The following PRKN variants were observed in gnomAD, a reference collection of about 807,000 sequenced individuals.
PRKN encodes E3 ubiquitin-protein ligase parkin.
In PRKN, 56 loss-of-function variants were observed where a neutral mutation model predicts 59.5. The ratio of observed to expected loss-of-function variants is 0.94; its 90% CI spans 0.76 to 1.18. PRKN has a LOEUF of 1.18. PRKN is among the 50% of genes most tolerant of loss of function. The pLI is 0.00. For synonymous variants in PRKN, 250 were observed against 222.1 expected (o/e 1.13, Z -1.12); for missense variants, 657 against 596.4 (o/e 1.10, Z -1.06).
chr6:162,202,101 T>C (rs1784753911), intron 3 of PRKN, among the ~76,000 whole-genome samples: 1 of 152,184 alleles, frequency 6.6e-6, no homozygotes, highest in South Asian at 2.1e-4. Context: ...CTAAATAGTT[T>C]TTTCTTTTAA....
chr6:161,477,845 T>C (rs1791184535), intron 9 of PRKN, among the ~76,000 whole-genome samples: 1 of 152,098 alleles, frequency 6.6e-6, no homozygotes, highest in Admixed American at 6.5e-5. Flanking sequence ...CAGTATTATC[T>C]GGAGGGGAAG....
At chr6:162,459,480 A>T (rs1791057078) in intron 1 of PRKN, among the ~76,000 whole-genome samples, 2 of 152,184 alleles carry the variant, frequency 1.3e-5, no homozygotes, top group Admixed American at 1.3e-4. Context: ...AATTCACAAT[A>T]CAATTTTATC....
chr6:162,635,801 T>C (rs1164038787), intron 1 of PRKN, among the ~76,000 whole-genome samples: 1 of 152,184 alleles, frequency 6.6e-6, no homozygotes, highest in Non-Finnish European at 1.5e-5. Context: ...GATCTGTCAC[T>C]TGACACAAGT....
intron 6 of PRKN, among the ~76,000 whole-genome samples, chr6:161,944,035 GCCTGAGGGAC>G (rs1779682599): frequency 3.0e-5 from 4 of 133,418 alleles, no homozygotes; most frequent in African/African-American, 1.0e-4. Context: ...TGAGGAATCA[GCCTGAGGGAC>G]CAGCCTGAGG....
At position 161,447,532 on chromosome 6, in the gene PRKN, C is replaced by T. The variant is rs1381894876; in HGVS notation, c.1084-60655G>A. ...TCCTTGAGATGGAGTCTCTCTCTGT[C>T]GCCCAGGCTGGAGTGCAGTGGAGTG... On this transcript the variant is annotated intron_variant, in intron 9 of 11. Transcript: ENST00000366898. The surrounding 1 kb of genome is among the most constrained non-coding windows in gnomAD (Gnocchi z 4.1). Among the ~76,000 whole-genome samples the T allele has an allele frequency of 2.0e-5, 3 of 152,124 alleles. No homozygotes were observed. Among genetic ancestry groups the T allele is most frequent in the Non-Finnish European group, 4.4e-5 (3 of 68,032 alleles).
rs138011791 is a variant in PRKN at position 161,410,764 on chromosome 6, G to A, written c.1084-23887C>T. 1.3e-5 allele frequency among the ~76,000 whole-genome samples: 2 copies of A among 152,154 alleles called. No homozygotes were observed. Among genetic ancestry groups the A allele is most frequent in the Admixed American group, 6.5e-5 (1 of 15,282 alleles). Reference sequence around the variant, plus strand: ...TGGGAAATGCATCATTGGTGCTCATGACAACGGCACGCCAAGGGGCTTGAT... The same window carrying A: ...TGGGAAATGCATCATTGGTGCTCATAACAACGGCACGCCAAGGGGCTTGAT... On this transcript the variant is annotated intron_variant, in intron 9 of 11. Transcript: ENST00000366898. This position sits in a 1 kb window ranked among gnomAD's most constrained non-coding sequence, Gnocchi z 5.3.
At chr6:162,555,618 A>G (rs1779529489) in intron 1 of PRKN, among the ~76,000 whole-genome samples, 1 of 139,148 alleles carries the variant, frequency 7.2e-6, no homozygotes. Context: ...TCAGCGTTAC[A>G]CTGTGTGAAA....
chr6:162,357,165 A>G (rs1324360938), intron 2 of PRKN, among the ~76,000 whole-genome samples: 1 of 152,104 alleles, frequency 6.6e-6, no homozygotes, highest in African/African-American at 2.4e-5. Context: ...TGCAAAAGAC[A>G]CTCTCCAGAG....
In PRKN at chr6:162,119,297, G is replaced by A. The variant is rs2023053; in HGVS notation, c.535-65123C>T. On this transcript the variant is annotated intron_variant, in intron 4 of 11. Transcript: ENST00000366898. ...ACAGGGCTTTAAATCAAGGGGCCTCGGGATGATCAGGGAAAGGACTGTGAA... is the reference window on the plus strand; with the variant it reads ...ACAGGGCTTTAAATCAAGGGGCCTCAGGATGATCAGGGAAAGGACTGTGAA... Among the ~76,000 whole-genome samples the A allele has an allele frequency of 9.6e-3, 1,459 of 152,064 alleles. 20 individuals carry two copies. The highest frequency in any genetic ancestry group is 0.034 in the African/African-American group (1,391 of 41,500).
rs1789301047 is a variant in PRKN, at chr6:161,442,782, G to A, written c.1084-55905C>T. Among the ~76,000 whole-genome samples, 1 of 152,194 alleles carries A rather than the reference G, an allele frequency of 6.6e-6. No homozygotes were observed. Among genetic ancestry groups the A allele is most frequent in the Non-Finnish European group, 1.5e-5 (1 of 68,046 alleles). Reference sequence around the variant, plus strand: ...GACGAACAGCTTACCGAGAGCCTCTGCCAGGAAGCAAAAGAGAGGTTCTCT... The same window carrying A: ...GACGAACAGCTTACCGAGAGCCTCTACCAGGAAGCAAAAGAGAGGTTCTCT... On this transcript the variant is annotated intron_variant, in intron 9 of 11. Coordinates refer to ENST00000366898, the MANE Select transcript of PRKN (RefSeq NM_004562.3). The surrounding 1 kb of genome is among the most constrained non-coding windows in gnomAD (Gnocchi z 4.6).
rs77054136 is a variant in PRKN, at chr6:161,776,354, C to T, written c.871+9418G>A. ...TAAAAAGATTTTACCAAAGCCCATA[C>T]CTTTAGGTAAGAGTTTGTCAGAGGT... On this transcript the variant is annotated intron_variant, in intron 7 of 11. Coordinates refer to ENST00000366898, the MANE Select transcript of PRKN (RefSeq NM_004562.3). Among the ~76,000 whole-genome samples, 840 of 152,230 alleles carry T rather than the reference C, an allele frequency of 5.5e-3. 5 individuals carry two copies. The highest frequency in any genetic ancestry group is 0.019 in the African/African-American group (805 of 41,532).
At chr6:162,425,186 T>C (rs546239226) in intron 2 of PRKN, among the ~76,000 whole-genome samples, 1 of 152,314 alleles carries the variant, frequency 6.6e-6, no homozygotes, top group Non-Finnish European at 1.5e-5. Flanking sequence ...TTTAACCTTA[T>C]ACTATTTATA....
chr6:161,581,861 A>G lies in PRKN; in HGVS notation c.872-12445T>C, dbSNP rs2128138221. ...CTCCTTTCCTGCTTCAGGTTTTATC[A>G]CCCACTCAATATTTACTGCGCAGAG... On this transcript the variant is annotated intron_variant, in intron 7 of 11. Coordinates refer to ENST00000366898, the MANE Select transcript of PRKN (RefSeq NM_004562.3). This position sits in a 1 kb window ranked among gnomAD's most constrained non-coding sequence, Gnocchi z 4.5. 6.6e-6 allele frequency among the ~76,000 whole-genome samples: 1 copy of G among 152,276 alleles called. No individual in the cohort carries two copies. Among genetic ancestry groups the G allele is most frequent in the South Asian group, 2.1e-4 (1 of 4,824 alleles).
chr6:162,529,198 AT>A (rs1001997170), intron 1 of PRKN, among the ~76,000 whole-genome samples: 1 of 152,048 alleles, frequency 6.6e-6, no homozygotes, highest in Non-Finnish European at 1.5e-5. Context: ...TTAGTGATAC[AT>A]TTATACTGAT....
intron 4 of PRKN, among the ~76,000 whole-genome samples, chr6:162,081,497 T>C (rs552617804): frequency 1.8e-4 from 28 of 152,208 alleles, no homozygotes; most frequent in African/African-American, 6.3e-4. Flanking sequence ...AGAAGTAATA[T>C]TGTGAAAGGA....
chr6:161,984,406 T>C (rs1179240302), intron 5 of PRKN, among the ~76,000 whole-genome samples: 1 of 152,078 alleles, frequency 6.6e-6, no homozygotes, highest in African/African-American at 2.4e-5. Flanking sequence ...TACAGGCGTG[T>C]GCTACCATGC....
rs1264350004 is a variant in PRKN at position 162,056,035 on chromosome 6, A to T, written c.535-1861T>A. ...CATGCACGCACACAGCATGCCACAC[A>T]CCACACATGCATAAACACACCACAT... On this transcript the variant is annotated intron_variant, in intron 4 of 11. Transcript: ENST00000366898. This position sits in a 1 kb window ranked among gnomAD's most constrained non-coding sequence, Gnocchi z 4.9. Among the ~76,000 whole-genome samples, 1 of 149,618 alleles carries T rather than the reference A, an allele frequency of 6.7e-6. No individual in the cohort carries two copies. The highest frequency in any genetic ancestry group is 1.5e-5 in the Non-Finnish European group (1 of 67,426).
intron 9 of PRKN, among the ~76,000 whole-genome samples, chr6:161,472,658 C>T (rs76550481): frequency 0.076 from 11,586 of 152,078 alleles, 636 homozygotes; most frequent in African/African-American, 0.16. Context: ...CTGGACTACA[C>T]CAAACTAAAA....
At chr6:162,123,214 A>C (rs1780990326) in intron 4 of PRKN, among the ~76,000 whole-genome samples, 1 of 152,116 alleles carries the variant, frequency 6.6e-6, no homozygotes, top group Non-Finnish European at 1.5e-5. Flanking sequence ...TGGTATTTCC[A>C]TGTCCAAAAG....
Sources: gnomAD v4.1 joint callset for allele counts (sites outside exome capture counted in the v4.1 genomes callset) on GRCh38, gnomAD v4.1.1 for gene constraint, Gnocchi (gnomAD v3.1) non-coding constraint, MANE v1.5 for transcripts, NCBI Gene and HGNC (gene_info 2026-07-23, HGNC 2026-07-21) for gene names.